ETV6: variants seen among roughly 807,000 people sequenced by gnomAD.
The protein encoded by ETV6 is ETS variant transcription factor 6.
A neutral mutation model predicts 51.1 loss-of-function variants in ETV6; 16 were observed. The ratio of observed to expected loss-of-function variants is 0.31; its 90% CI spans 0.21 to 0.48. The LOEUF is 0.48. ETV6 is among the 20% of genes least tolerant of loss of function. The pLI, the probability that ETV6 is intolerant of heterozygous loss-of-function variation, is 0.99. For missense variants in ETV6, 458 were observed against 594.8 expected (o/e 0.77, Z 2.39); for synonymous variants, 240 against 224.1 (o/e 1.07, Z -0.64).
chr12:11,679,228 AT>A (rs574628208), intron 1 of ETV6, among the ~76,000 whole-genome samples: 1 of 151,394 alleles, frequency 6.6e-6, no homozygotes, highest in Non-Finnish European at 1.5e-5. Flanking sequence ...TCAAAGGATC[AT>A]TTTTTTTTCT....
At position 11,823,842 on chromosome 12, in the gene ETV6, C is replaced by T. The variant is rs543953095; in HGVS notation, c.164-15298C>T. ...CTTTCGGTGGGAGAAGCCATTCAGC[C>T]CCCCTTGACTGCCAGTGCCCTTTGA... On this transcript the variant is annotated intron_variant, in intron 2 of 7. Coordinates refer to ENST00000396373, the MANE Select transcript of ETV6 (RefSeq NM_001987.5). 6.5e-4 allele frequency among the ~76,000 whole-genome samples: 99 copies of T among 152,132 alleles called. 1 individual carries two copies. The highest frequency in any genetic ancestry group is 2.0e-3 in the Admixed American group (31 of 15,272).
In ETV6 at chr12:11,709,345, C is replaced by T. The variant is rs1056381987; in HGVS notation, c.34-43105C>T. On this transcript the variant is annotated intron_variant, in intron 1 of 7. Coordinates refer to ENST00000396373, the MANE Select transcript of ETV6 (RefSeq NM_001987.5). ...AAAGCGTTTGATCTTTTCTTCTCTCCTCCTCTCCTCTCCTCTCCTCTCTTC... is the reference window on the plus strand; with the variant it reads ...AAAGCGTTTGATCTTTTCTTCTCTCTTCCTCTCCTCTCCTCTCCTCTCTTC... Among the ~76,000 whole-genome samples, 10 of 151,684 alleles carry T rather than the reference C, an allele frequency of 6.6e-5. 1 individual carries two copies. In the South Asian group the frequency reaches 2.1e-3, roughly 32 times the overall value.
chr12:11,840,327 C>G, intron 3 of ETV6: 1 of 431,116 alleles, frequency 2.3e-6, no homozygotes, highest in South Asian at 1.7e-5. Flanking sequence ...ATTTCCTAAA[C>G]CCTGTGGATA....
At chr12:11,692,936 A>C (rs1393487568) in intron 1 of ETV6, among the ~76,000 whole-genome samples, 1 of 152,016 alleles carries the variant, frequency 6.6e-6, no homozygotes, top group African/African-American at 2.4e-5. Flanking sequence ...GCTACCCGGG[A>C]GGCTAAGGTG....
In ETV6 at chr12:11,893,043, G is replaced by A. The variant is rs1947319748; in HGVS notation, c.*1997G>A. 1 of 232,774 alleles carries A rather than the reference G, an allele frequency of 4.3e-6. No homozygotes were observed. Among genetic ancestry groups the A allele is most frequent in the Admixed American group, 5.6e-5 (1 of 17,772 alleles). The allele number at this position is 232,774 out of a possible 1,614,324, so 14.4% of individuals were successfully genotyped here. A position where few individuals can be genotyped will look rare whatever the true frequency, so the allele number is the denominator to read the frequency against. On this transcript the variant is annotated 3_prime_UTR_variant, in exon 8 of 8. Coordinates refer to ENST00000396373, the MANE Select transcript of ETV6 (RefSeq NM_001987.5). ...TTCTATATGAGGCGAGTGGGTCTCA[G>A]TCTGCTTGAATGGTGATGAGATTCT...
At chr12:11,709,197 C>T (rs1865128906) in intron 1 of ETV6, among the ~76,000 whole-genome samples, 2 of 152,300 alleles carry the variant, frequency 1.3e-5, no homozygotes, top group South Asian at 4.1e-4. Context: ...ACCAAAATGA[C>T]TGATATTGAT....
intron 1 of ETV6, among the ~76,000 whole-genome samples, chr12:11,748,683 C>T (rs530949286): frequency 2.0e-5 from 3 of 152,168 alleles, no homozygotes; most frequent in East Asian, 3.9e-4. Context: ...TGGAGAAATG[C>T]CATTCTCCTA....
At chr12:11,794,419 C>T (rs921253413) in intron 2 of ETV6, among the ~76,000 whole-genome samples, 13 of 152,166 alleles carry the variant, frequency 8.5e-5, no homozygotes, top group Non-Finnish European at 1.5e-4. Context: ...TTCTAGTGCA[C>T]GCTCCAGGCG....
chr12:11,726,355 C>T (rs943431579), intron 1 of ETV6, among the ~76,000 whole-genome samples: 1 of 152,220 alleles, frequency 6.6e-6, no homozygotes, highest in African/African-American at 2.4e-5. Flanking sequence ...TCCACTCTTG[C>T]AGTAGCCTAG....
intron 2 of ETV6, among the ~76,000 whole-genome samples, chr12:11,803,397 A>G (rs1945780481): frequency 6.6e-6 from 1 of 152,204 alleles, no homozygotes; most frequent in Admixed American, 6.5e-5. Context: ...TTCCATACAT[A>G]TTTGTTGAAT....
At chr12:11,878,952 T>C (rs1219004315) in intron 5 of ETV6, among the ~76,000 whole-genome samples, 1 of 151,916 alleles carries the variant, frequency 6.6e-6, no homozygotes, top group Non-Finnish European at 1.5e-5. Context: ...GCTTACTATA[T>C]TGTAAGAGAT....
chr12:11,677,955 G>C (rs1162823996), intron 1 of ETV6, among the ~76,000 whole-genome samples: 1 of 152,160 alleles, frequency 6.6e-6, no homozygotes, highest in Non-Finnish European at 1.5e-5. Context: ...TTCTCTGCTT[G>C]GACACTTCAC....
chr12:11,703,994 C>T (rs1865029097), intron 1 of ETV6, among the ~76,000 whole-genome samples: 1 of 152,120 alleles, frequency 6.6e-6, no homozygotes, highest in African/African-American at 2.4e-5. Flanking sequence ...GACAAGTTAT[C>T]TAGTGGAGAC....
chr12:11,703,571 C>T lies in ETV6; in HGVS notation c.34-48879C>T, dbSNP rs143937064. 1.2e-4 allele frequency among the ~76,000 whole-genome samples: 18 copies of T among 152,204 alleles called. No homozygotes were observed. The East Asian group carries it at 2.5e-3, about 21-fold the overall frequency. On this transcript the variant is annotated intron_variant, in intron 1 of 7. Coordinates refer to ENST00000396373, the MANE Select transcript of ETV6 (RefSeq NM_001987.5). Reference sequence around the variant, plus strand: ...CTGCCCTTATGGGGCTTTCACCTAGCGGCCATGTTTCCATTGTGCAGTTAA... The same window carrying T: ...CTGCCCTTATGGGGCTTTCACCTAGTGGCCATGTTTCCATTGTGCAGTTAA...
In ETV6 at chr12:11,882,405, T is replaced by G. The variant is rs190524772; in HGVS notation, c.1010-2040T>G. ...TTGCATTGGGAAGTGTGTCATAGCA[T>G]GGGTTTTGGGGTCATGCACAGCCAA... is the stretch of plus-strand genomic sequence containing the variant. On this transcript the variant is annotated intron_variant, in intron 5 of 7. Coordinates refer to ENST00000396373, the MANE Select transcript of ETV6 (RefSeq NM_001987.5). Among the ~76,000 whole-genome samples the G allele has an allele frequency of 6.8e-4, 103 of 152,324 alleles. No individual in the cohort carries two copies. In the South Asian group the frequency reaches 0.011, roughly 16 times the overall value.
At chr12:11,873,244 T>C (rs1397391751) in intron 5 of ETV6, among the ~76,000 whole-genome samples, 1 of 152,204 alleles carries the variant, frequency 6.6e-6, no homozygotes, top group African/African-American at 2.4e-5. Flanking sequence ...CAGTCTGTAG[T>C]CTGACAGTCT....
intron 4 of ETV6, among the ~76,000 whole-genome samples, chr12:11,861,945 C>T (rs1946724203): frequency 6.6e-6 from 1 of 152,286 alleles, no homozygotes; most frequent in Non-Finnish European, 1.5e-5. Flanking sequence ...GGAGACTCCC[C>T]TATACTGCCT....
chr12:11,794,260 T>C (rs1050945058), intron 2 of ETV6, among the ~76,000 whole-genome samples: 1 of 152,186 alleles, frequency 6.6e-6, no homozygotes, highest in African/African-American at 2.4e-5. Context: ...CTCTTGGAAC[T>C]GGACATTGGC....
intron 4 of ETV6, among the ~76,000 whole-genome samples, chr12:11,860,376 C>G (rs1946698319): frequency 2.0e-5 from 3 of 152,110 alleles, no homozygotes; most frequent in Non-Finnish European, 4.4e-5. Flanking sequence ...TATGCGTGCA[C>G]TCTACATCCC....
Sources: gnomAD v4.1 joint callset for allele counts (sites outside exome capture counted in the v4.1 genomes callset) on GRCh38, gnomAD v4.1.1 for gene constraint, MANE v1.5 for transcripts, NCBI Gene and HGNC (gene_info 2026-07-23, HGNC 2026-07-21) for gene names.